The following BCAR1 variants were observed in gnomAD, a reference collection of about 807,000 sequenced individuals.
BCAR1 encodes the protein BCAR1 scaffold protein, Cas family member.
BCAR1 carries 30 observed loss-of-function variants against 67.6 expected under a neutral mutation model. The ratio of observed to expected loss-of-function variants is 0.44; its 90% CI spans 0.33 to 0.60. BCAR1 has a LOEUF of 0.60. Among genes scored for constraint, BCAR1 ranks in the 20% least tolerant of loss-of-function variants. The pLI, the probability that BCAR1 is intolerant of heterozygous loss-of-function variation, is 0.02. For missense variants in BCAR1, 1,313 were observed against 1,222.3 expected, an observed-to-expected ratio of 1.07 and a Z score of -1.11; for synonymous variants, 626 against 556.7, an observed-to-expected ratio of 1.12 and a Z score of -1.75.
upstream of BCAR1, among the ~76,000 whole-genome samples, chr16:75,252,896 C>G (rs183145941): frequency 4.2e-4 from 64 of 152,258 alleles, 1 homozygote; most frequent in Non-Finnish European, 3.2e-4. Context: ...ATTTGCTGCT[C>G]AGGTGCTCTG....
intron 4 of BCAR1, 102 bp downstream of exon 4, chr16:75,236,780 C>G (rs1312805278): frequency 2.1e-6 from 3 of 1,454,962 alleles, no homozygotes; most frequent in Non-Finnish European, 2.7e-6. Context: ...TCTTCCTGCC[C>G]GCCACCCCCA....
intron 2 of BCAR1, chr16:75,238,015 C>T: frequency 7.8e-7 from 1 of 1,286,662 alleles, no homozygotes. Flanking sequence ...GGTAAGATCC[C>T]CAGCGACCTG....
At chr16:75,245,997 A>G (rs1167352652) in intron 1 of BCAR1, 1 of 17,098 alleles carries the variant, frequency 5.8e-5, no homozygotes, top group African/African-American at 1.5e-4. Context: ...TTTTTTTGAG[A>G]CTGGGTTCTG....
intron 1 of BCAR1, among the ~76,000 whole-genome samples, chr16:75,258,485 G>T (rs1296701513): frequency 6.6e-6 from 1 of 152,176 alleles, no homozygotes; most frequent in Non-Finnish European, 1.5e-5. Context: ...GCACTGCTGT[G>T]TAAAAGAACA....
intron 1 of BCAR1, chr16:75,243,482 C>T: frequency 1.9e-6 from 1 of 540,442 alleles, no homozygotes; most frequent in Non-Finnish European, 3.6e-6. Context: ...ATGGTTCTCT[C>T]TCGAGGTGCA....
chr16:75,257,223 C>T (rs1207191903), intron 1 of BCAR1, among the ~76,000 whole-genome samples: 1 of 152,100 alleles, frequency 6.6e-6, no homozygotes. Context: ...TGGCAACCAA[C>T]CCCAGTGTAC....
At chr16:75,250,584 G>C in intron 1 of BCAR1, 1 of 957,992 alleles carries the variant, frequency 1.0e-6, no homozygotes. Flanking sequence ...TCCCCGATCT[G>C]GAACTCGAAA....
In BCAR1 at chr16:75,242,858, G is replaced by T. The variant is rs1231249529; in HGVS notation, c.245C>A (p.Pro82Gln). 5 of 1,609,056 alleles carry T rather than the reference G, an allele frequency of 3.1e-6. No individual in the cohort carries two copies. In the African/African-American group the frequency reaches 6.7e-5, roughly 21 times the overall value. ...AGPGPGPPAT[P>Q]AQPQPGLHAP... ...ATGGAGGCCAGGCTGAGGCTGGGCC[G>T]GGGTGGCGGGAGGGCCGGGGCCAGG... is the stretch of plus-strand genomic sequence containing the variant. Residue 82 changes from proline to glutamine, a missense_variant, in exon 2 of 7, where the codon CCG becomes CAG. This residue lies in a region of BCAR1 where 1,272 missense variants were observed against 1,137.5 expected (regional missense o/e 1.12). Transcript: ENST00000162330.
chr16:75,245,993 T>TTTTTTTTTTTTA (rs2077510862), intron 1 of BCAR1: 1 of 123,306 alleles, frequency 8.1e-6, no homozygotes, highest in Admixed American at 8.3e-5. Context: ...TTTTTTTTTT[T>TTTTTTTTTTTTA]GAGACTGGGT....
Position 75,243,028 on chromosome 16 carries a change from G to A in BCAR1, c.75C>T (p.Arg25=). The change falls in exon 2 of 7, where the codon CGC becomes CGT. Residue 25 remains arginine, a synonymous_variant. Transcript: ENST00000162330. Reference sequence around the variant, plus strand: ...CCAGCACCGTCATGATGTCACCCTTGCGGAAGGAGAGCTCATCCGGGGACT... The same window carrying A: ...CCAGCACCGTCATGATGTCACCCTTACGGAAGGAGAGCTCATCCGGGGACT... The part of the protein sequence containing the change: ...VAESPDELSF[R]KGDIMTVLEQ... The A allele has an allele frequency of 6.2e-7, 1 of 1,611,178 alleles. No individual in the cohort carries two copies. The highest frequency in any genetic ancestry group is 8.5e-7 in the Non-Finnish European group (1 of 1,177,900).
intron 1 of BCAR1, 47 bp downstream of exon 1, chr16:75,251,424 G>A (rs2077676020): frequency 1.4e-6 from 2 of 1,477,482 alleles, no homozygotes; most frequent in African/African-American, 1.5e-5. Context: ...CCAGCCCGCT[G>A]CCGCCTCCAA....
At chr16:75,263,133 C>G in intron 1 of BCAR1, 1 of 912,918 alleles carries the variant, frequency 1.1e-6, no homozygotes, top group Non-Finnish European at 1.3e-6. Flanking sequence ...GGAGCCATCC[C>G]TCAACGAAGG....
chr16:75,231,839 C>G (rs990148516), intron 6 of BCAR1, among the ~76,000 whole-genome samples: 5 of 152,240 alleles, frequency 3.3e-5, no homozygotes, highest in African/African-American at 9.6e-5. Flanking sequence ...CCAGAGTTCT[C>G]TCTCTAGACA....
chr16:75,238,914 A>C (rs2077237909), intron 2 of BCAR1: 1 of 985,212 alleles, frequency 1.0e-6, no homozygotes, highest in African/African-American at 1.7e-5. Context: ...ACCCAGCCTC[A>C]AGGCTCAGCC....
chr16:75,266,736 G>T, intron 1 of BCAR1: 1 of 1,452,246 alleles, frequency 6.9e-7, no homozygotes, highest in Non-Finnish European at 9.2e-7. Flanking sequence ...AGGACCAGGG[G>T]TCCGACCCCT....
At chr16:75,251,399 C>T in intron 1 of BCAR1, 72 bp downstream of exon 1, 6 of 1,471,158 alleles carry the variant, frequency 4.1e-6, no homozygotes, top group Admixed American at 2.4e-5. Context: ...GGAAATGCCG[C>T]TCGCTTAACC....
chr16:75,243,446 A>C (rs4888363), intron 1 of BCAR1: 4 of 569,808 alleles, frequency 7.0e-6, no homozygotes, highest in South Asian at 4.3e-5. Context: ...ATCACGACAA[A>C]GCTGCCAAGT....
intron 2 of BCAR1, among the ~76,000 whole-genome samples, chr16:75,241,291 G>A (rs1282717965): frequency 3.3e-5 from 5 of 152,144 alleles, no homozygotes; most frequent in African/African-American, 7.2e-5. Flanking sequence ...ATGTATTCAC[G>A]CACATTCATG....
chr16:75,230,091 G>C, intron 6 of BCAR1, 68 bp from the exon 7 acceptor site: 2 of 1,501,856 alleles, frequency 1.3e-6, no homozygotes, highest in Non-Finnish European at 8.9e-7. Context: ...GCCGAGACCT[G>C]GGCACCCTGG....
Sources: gnomAD v4.1 joint callset for allele counts (sites outside exome capture counted in the v4.1 genomes callset) on GRCh38, gnomAD v4.1.1 for gene constraint, gnomAD v4.1.1 regional missense constraint, MANE v1.5 for transcripts, NCBI Gene and HGNC (gene_info 2026-07-23, HGNC 2026-07-21) for gene names.